Variants in OR6N1 observed in about 807,000 individuals in gnomAD.
OR6N1 encodes olfactory receptor 6N1.
For synonymous variants in OR6N1, 170 were observed against 150.7 expected (o/e 1.13, Z -0.94); for missense variants, 394 against 371.7 (o/e 1.06, Z -0.49).
At chr1:158,827,408 T>G in the OR6N1 span, among the ~76,000 whole-genome samples, 12 of 152,336 alleles carry the variant, frequency 7.9e-5, 1 homozygote, top group Admixed American at 6.5e-4. Flanking sequence ...TTAGTCTCCC[T>G]GATTGACTTA....
At chr1:158,824,556 T>A in the OR6N1 span, among the ~76,000 whole-genome samples, 1 of 152,186 alleles carries the variant, frequency 6.6e-6, no homozygotes, top group Admixed American at 6.5e-5. Flanking sequence ...TGGAAAGTTA[T>A]GTAGATTTTC....
At chr1:158,787,604 C>A in the OR6N1 span, among the ~76,000 whole-genome samples, 5 of 130,002 alleles carry the variant, frequency 3.8e-5, no homozygotes, top group Non-Finnish European at 7.8e-5. Flanking sequence ...CTCTCTCTCT[C>A]TCTATCTATC....
chr1:158,792,795 T>G, the OR6N1 span, among the ~76,000 whole-genome samples: 1 of 152,174 alleles, frequency 6.6e-6, no homozygotes, highest in Non-Finnish European at 1.5e-5. Context: ...CCTAATGCTT[T>G]TGAGCTTCTG....
chr1:158,772,289 T>C (rs1657442109), upstream of OR6N1: 1 of 152,140 alleles, frequency 6.6e-6, no homozygotes, highest in South Asian at 2.1e-4. Context: ...CCATGGGCCT[T>C]CTGAGCAGAC....
chr1:158,800,949 C>T, the OR6N1 span, among the ~76,000 whole-genome samples: 1 of 151,328 alleles, frequency 6.6e-6, no homozygotes, highest in Non-Finnish European at 1.5e-5. Context: ...CAACTGGGTG[C>T]CCAGTTAGCA....
chr1:158,786,843 G>T, the OR6N1 span, among the ~76,000 whole-genome samples: 2 of 151,934 alleles, frequency 1.3e-5, no homozygotes, highest in African/African-American at 2.4e-5. Context: ...GACTCAGGGG[G>T]GAAAAGGTGA....
chr1:158,785,760 T>C, the OR6N1 span, among the ~76,000 whole-genome samples: 1 of 152,210 alleles, frequency 6.6e-6, no homozygotes, highest in African/African-American at 2.4e-5. Context: ...CTTATTAATT[T>C]GTACTGAGAA....
chr1:158,813,218 A>C, the OR6N1 span, among the ~76,000 whole-genome samples: 5 of 152,222 alleles, frequency 3.3e-5, no homozygotes, highest in African/African-American at 1.2e-4. Flanking sequence ...TGTGTAAACT[A>C]CACATTTATT....
chr1:158,792,303 C>A, the OR6N1 span, among the ~76,000 whole-genome samples: 1 of 152,106 alleles, frequency 6.6e-6, no homozygotes, highest in African/African-American at 2.4e-5. Flanking sequence ...TTAAGTGTGT[C>A]TCCTAAAGAA....
intron 1 of OR6N1, among the ~76,000 whole-genome samples, chr1:158,771,070 T>C (rs1196827542): frequency 6.6e-6 from 1 of 152,212 alleles, no homozygotes; most frequent in Non-Finnish European, 1.5e-5. Context: ...GACTCCTTTG[T>C]TTGCAGTGTA....
chr1:158,828,155 C>G, the OR6N1 span, among the ~76,000 whole-genome samples: 1 of 152,122 alleles, frequency 6.6e-6, no homozygotes, highest in South Asian at 2.1e-4. Flanking sequence ...GGTGGGGACA[C>G]AGAGCCAAAC....
the OR6N1 span, among the ~76,000 whole-genome samples, chr1:158,810,913 ATG>A: frequency 6.6e-6 from 1 of 152,028 alleles, no homozygotes; most frequent in Admixed American, 6.5e-5. Flanking sequence ...TGTGCGGTAC[ATG>A]TACAGGTTTG....
At chr1:158,788,109 T>G in the OR6N1 span, among the ~76,000 whole-genome samples, 1 of 152,130 alleles carries the variant, frequency 6.6e-6, no homozygotes, top group African/African-American at 2.4e-5. Context: ...ATAAAGCATA[T>G]CCTTCAGAAA....
At chr1:158,831,838 G>A in the OR6N1 span, among the ~76,000 whole-genome samples, 1 of 152,080 alleles carries the variant, frequency 6.6e-6, no homozygotes, top group African/African-American at 2.4e-5. Flanking sequence ...GAGATACTTG[G>A]TTTTCTTGGC....
chr1:158,765,596 A>C lies in OR6N1; in HGVS notation c.*148T>G, dbSNP rs1364218083. On this transcript the variant is annotated 3_prime_UTR_variant, in exon 2 of 2. Coordinates refer to ENST00000641846, the MANE Select transcript of OR6N1 (RefSeq NM_001005185.2). ...TCCAGCAGACAGTATGAAGGTCGCTATAACACTGGAAGTCAGTCAGCACTT... is the reference window on the plus strand; with the variant it reads ...TCCAGCAGACAGTATGAAGGTCGCTCTAACACTGGAAGTCAGTCAGCACTT... The C allele has an allele frequency of 1.9e-5, 13 of 678,146 alleles. No individual in the cohort carries two copies. The highest frequency in any genetic ancestry group is 3.0e-5 in the Non-Finnish European group (12 of 396,536). 42.0% of individuals were successfully genotyped at this position (678,146 alleles called of 1,614,324 possible). A position where few individuals can be genotyped will look rare whatever the true frequency, so the allele number is the denominator to read the frequency against.
the OR6N1 span, among the ~76,000 whole-genome samples, chr1:158,788,226 A>G: frequency 1.3e-5 from 2 of 152,200 alleles, no homozygotes; most frequent in African/African-American, 4.8e-5. Context: ...TGTGTGTACT[A>G]ATAAAATTTA....
chr1:158,784,402 T>G, the OR6N1 span, among the ~76,000 whole-genome samples: 2 of 152,226 alleles, frequency 1.3e-5, no homozygotes, highest in Admixed American at 1.3e-4. Flanking sequence ...TCCTCATATT[T>G]GTAACATTTC....
chr1:158,785,124 AC>A, the OR6N1 span, among the ~76,000 whole-genome samples: 12 of 152,274 alleles, frequency 7.9e-5, no homozygotes, highest in East Asian at 2.3e-3. Context: ...TATTCAGTTC[AC>A]TTAATGAATA....
At chr1:158,821,302 T>C in the OR6N1 span, among the ~76,000 whole-genome samples, 1 of 152,190 alleles carries the variant, frequency 6.6e-6, no homozygotes, top group Non-Finnish European at 1.5e-5. Context: ...AATGAACATG[T>C]GTCCAATACT....
Sources: gnomAD v4.1 joint callset for allele counts (sites outside exome capture counted in the v4.1 genomes callset) on GRCh38, gnomAD v4.1.1 for gene constraint, MANE v1.5 for transcripts, NCBI Gene and HGNC (gene_info 2026-07-23, HGNC 2026-07-21) for gene names.